GREM2: variants seen among roughly 807,000 people sequenced by gnomAD.
GREM2 encodes gremlin-2.
Under a neutral mutation model 14.2 loss-of-function variants are expected in GREM2, and 11 were observed. That is an observed-to-expected ratio of 0.78 (90% CI 0.49 to 1.28). The LOEUF is 1.28. Among genes scored for constraint, GREM2 ranks in the 50% most tolerant of loss-of-function variants. The probability of loss-of-function intolerance (pLI) is 0.00; values close to 1 mark genes in which losing one functional copy is unlikely to be tolerated. For missense variants in GREM2, 210 were observed against 218.5 expected, an observed-to-expected ratio of 0.96 and a Z score of 0.24; for synonymous variants, 98 against 97.6, an observed-to-expected ratio of 1.00 and a Z score of -0.02.
intron 1 of GREM2, among the ~76,000 whole-genome samples, chr1:240,541,195 G>A (rs909245699): frequency 1.3e-5 from 2 of 152,168 alleles, no homozygotes; most frequent in African/African-American, 4.8e-5. Flanking sequence ...CGAAATGAAG[G>A]TTGATGCTTC....
At chr1:240,595,351 G>C (rs1679800118) in intron 1 of GREM2, among the ~76,000 whole-genome samples, 1 of 152,110 alleles carries the variant, frequency 6.6e-6, no homozygotes, top group African/African-American at 2.4e-5. Flanking sequence ...TGAAGTATGT[G>C]CTTTCTTCAT....
rs556941742 is a variant in GREM2, at chr1:240,605,015, T to G, written c.-2+6869A>C. 4.6e-5 allele frequency among the ~76,000 whole-genome samples: 7 copies of G among 152,328 alleles called. No individual in the cohort carries two copies. The South Asian group carries it at 1.4e-3, about 32-fold the overall frequency. ...TCTCAGCATTCCACAAGTTACTTCC[T>G]CCTTCCTTTGTTCTCCTCTACCTTT... On this transcript the variant is annotated intron_variant, in intron 1 of 1. Transcript: ENST00000318160.
intron 1 of GREM2, among the ~76,000 whole-genome samples, chr1:240,541,817 AC>A (rs1227658943): frequency 6.6e-6 from 1 of 151,832 alleles, no homozygotes; most frequent in African/African-American, 2.4e-5. Context: ...ATCTGAGGGA[AC>A]CACTCAGGCA....
intron 1 of GREM2, among the ~76,000 whole-genome samples, chr1:240,575,538 T>TC (rs1217479948): frequency 2.2e-4 from 33 of 151,866 alleles, no homozygotes; most frequent in African/African-American, 8.0e-4. Context: ...TATTTTTTTT[T>TC]CAGACTGAGT....
At chr1:240,497,867 G>A (rs143916962) in intron 1 of GREM2, among the ~76,000 whole-genome samples, 116 of 152,172 alleles carry the variant, frequency 7.6e-4, no homozygotes, top group African/African-American at 2.6e-3. Flanking sequence ...GATCTCAATA[G>A]CCTCTTAAAA....
At chr1:240,512,953 G>A (rs1403336224) in intron 1 of GREM2, among the ~76,000 whole-genome samples, 2 of 152,158 alleles carry the variant, frequency 1.3e-5, no homozygotes, top group Non-Finnish European at 2.9e-5. Context: ...CTATGTGCCA[G>A]GTGCAGTGGT....
intron 1 of GREM2, among the ~76,000 whole-genome samples, chr1:240,547,317 T>G (rs545951535): frequency 1.5e-3 from 221 of 151,638 alleles, no homozygotes; most frequent in African/African-American, 4.7e-3. Context: ...TGGCTAACAC[T>G]GCGAAACCCT....
intron 1 of GREM2, among the ~76,000 whole-genome samples, chr1:240,595,177 C>T (rs535757273): frequency 5.3e-5 from 8 of 152,248 alleles, no homozygotes; most frequent in African/African-American, 1.7e-4. Flanking sequence ...CCTACAAATA[C>T]AAAGGTTAGC....
chr1:240,583,136 C>A (rs1360304538), intron 1 of GREM2, among the ~76,000 whole-genome samples: 1 of 152,076 alleles, frequency 6.6e-6, no homozygotes, highest in African/African-American at 2.4e-5. Context: ...GCCTTGTAAT[C>A]TGTAACTACA....
Position 240,493,130 on chromosome 1 carries a change from ACTC to A in GREM2, c.343_345del (p.Glu115del), listed in dbSNP as rs1329329027. On this transcript the variant is annotated inframe_deletion, in exon 2 of 2. Transcript: ENST00000318160. ...TTGCAGAAGGCGCAGGACTGGAAGG[ACTC>A]CTCCTCCTTCTTCACGTGCCGCGGG... The A allele has an allele frequency of 1.9e-6, 3 of 1,613,430 alleles. No individual in the cohort carries two copies. The highest frequency in any genetic ancestry group is 1.3e-5 in the African/African-American group (1 of 74,756).
intron 1 of GREM2, among the ~76,000 whole-genome samples, chr1:240,556,636 A>G (rs1176968107): frequency 6.6e-6 from 1 of 152,186 alleles, no homozygotes; most frequent in Non-Finnish European, 1.5e-5. Flanking sequence ...AGAGATAAGA[A>G]AGGCATTATT....
chr1:240,497,398 A>G (rs2103272713), intron 1 of GREM2, among the ~76,000 whole-genome samples: 1 of 152,186 alleles, frequency 6.6e-6, no homozygotes, highest in African/African-American at 2.4e-5. Flanking sequence ...TGTATTTCTA[A>G]AAATTGCCTC....
At chr1:240,565,815 C>T (rs1679167467) in intron 1 of GREM2, among the ~76,000 whole-genome samples, 1 of 146,014 alleles carries the variant, frequency 6.8e-6, no homozygotes, top group African/African-American at 2.6e-5. Context: ...CACTGCACTC[C>T]AGCCTGGGTG....
intron 1 of GREM2, among the ~76,000 whole-genome samples, chr1:240,576,484 C>T (rs1352800646): frequency 2.6e-5 from 4 of 152,162 alleles, no homozygotes. Flanking sequence ...CCTTGAGAAT[C>T]ATAGCTTTGG....
chr1:240,500,465 AT>A lies in GREM2; in HGVS notation c.-1-6990del, dbSNP rs924538120. Among the ~76,000 whole-genome samples the A allele has an allele frequency of 6.4e-4, 94 of 146,266 alleles. 1 individual carries two copies. Among genetic ancestry groups the A allele is most frequent in the Middle Eastern group, 3.5e-3 (1 of 286 alleles). On this transcript the variant is annotated intron_variant, in intron 1 of 1. Transcript: ENST00000318160. ...AGGCACCCACCACCACACCTGGCTA[AT>A]TTTTTTTTTTGTATTTTTAATAGAG...
intron 1 of GREM2, among the ~76,000 whole-genome samples, chr1:240,597,767 T>C (rs1679849574): frequency 6.6e-6 from 1 of 152,242 alleles, no homozygotes; most frequent in Admixed American, 6.5e-5. Context: ...GCATTATCTG[T>C]GTCTTTGTTA....
intron 1 of GREM2, among the ~76,000 whole-genome samples, chr1:240,502,044 G>A (rs1677580057): frequency 6.6e-6 from 1 of 152,056 alleles, no homozygotes; most frequent in East Asian, 1.9e-4. Context: ...TGATTCCACA[G>A]CCCAAAGACC....
At chr1:240,562,825 C>T (rs1572399967) in intron 1 of GREM2, among the ~76,000 whole-genome samples, 1 of 143,300 alleles carries the variant, frequency 7.0e-6, no homozygotes, top group South Asian at 2.3e-4. Flanking sequence ...ATTGTGTACA[C>T]GTGAGTGTGT....
intron 1 of GREM2, among the ~76,000 whole-genome samples, chr1:240,567,543 C>G (rs1679193543): frequency 6.6e-6 from 1 of 151,988 alleles, no homozygotes; most frequent in African/African-American, 2.4e-5. Flanking sequence ...AAAGCAAAAA[C>G]CCGATAAACC....
Sources: allele counts gnomAD v4.1 joint callset (sites outside exome capture counted in the v4.1 genomes callset), GRCh38; gene constraint gnomAD v4.1.1; transcripts MANE v1.5; gene names NCBI Gene and HGNC (gene_info 2026-07-23, HGNC 2026-07-21).